The following FANCI variants were observed in gnomAD, a reference collection of about 807,000 sequenced individuals.
FANCI encodes Fanconi anemia group I protein.
Under a neutral mutation model 176.1 loss-of-function variants are expected in FANCI, and 156 were observed. The ratio of observed to expected loss-of-function variants is 0.89; its 90% confidence interval spans 0.78 to 1.01. The LOEUF (loss-of-function observed/expected upper bound fraction) is 1.01. FANCI is among the 50% of genes least tolerant of loss of function. The pLI is 0.00. For synonymous variants in FANCI, 613 were observed against 541.7 expected (o/e 1.13, Z -1.83); for missense variants, 1,678 against 1,534.1 (o/e 1.09, Z -1.57).
intron 11 of FANCI, among the ~76,000 whole-genome samples, 175 bp downstream of exon 11, chr15:89,273,644 G>A (rs984178681): frequency 6.6e-6 from 1 of 152,078 alleles, no homozygotes; most frequent in African/African-American, 2.4e-5. Flanking sequence ...TCTGGGGATT[G>A]ATGGAAAACT....
intron 37 of FANCI, 147 bp from the exon 38 acceptor site, chr15:89,316,250 T>C (rs1233587359): frequency 6.2e-6 from 5 of 808,434 alleles, no homozygotes; most frequent in Non-Finnish European, 1.0e-5. Flanking sequence ...TTCAACAACA[T>C]AATTACCTCC....
At chr15:89,264,658 C>T (rs779240165) in intron 9 of FANCI, 51 bp downstream of exon 9, 1 of 1,511,756 alleles carries the variant, frequency 6.6e-7, no homozygotes, top group East Asian at 2.3e-5. Context: ...TTCATCTTCT[C>T]ATTGTGTATT....
chr15:89,295,803 T>C (rs1432592547), intron 24 of FANCI, among the ~76,000 whole-genome samples: 1 of 147,152 alleles, frequency 6.8e-6, no homozygotes, highest in African/African-American at 2.5e-5. Flanking sequence ...TGAGAGAGTC[T>C]CGCTCTATTG....
chr15:89,264,397 T>G (rs922224999), intron 8 of FANCI, 125 bp from the exon 9 acceptor site: 19 of 798,796 alleles, frequency 2.4e-5, no homozygotes, highest in Non-Finnish European at 3.8e-5. Flanking sequence ...TTAGTTTGAG[T>G]CTAAGTCATA....
chr15:89,295,140 T>G (rs1157479726), intron 24 of FANCI, 46 bp downstream of exon 24: 1 of 1,535,458 alleles, frequency 6.5e-7, no homozygotes, highest in Admixed American at 2.1e-5. Context: ...TTGGCTGTGG[T>G]GTCTCCAAGA....
At chr15:89,305,064 C>G in intron 28 of FANCI, 51 bp from the exon 29 acceptor site, 1 of 1,607,754 alleles carries the variant, frequency 6.2e-7, no homozygotes, top group Non-Finnish European at 8.5e-7. Context: ...GCGTGAGCCA[C>G]TGCACTTGGC....
intron 18 of FANCI, among the ~76,000 whole-genome samples, chr15:89,288,954 A>G (rs1448261495): frequency 1.3e-5 from 2 of 150,972 alleles, no homozygotes; most frequent in Admixed American, 1.3e-4. Context: ...CTTTATTATT[A>G]TTTTATCTGT....
At chr15:89,257,660 A>G (rs1001207815) in intron 2 of FANCI, among the ~76,000 whole-genome samples, 1 of 152,206 alleles carries the variant, frequency 6.6e-6, no homozygotes, top group Non-Finnish European at 1.5e-5. Context: ...CTCACCTACA[A>G]GAAGAGCCCA....
intron 19 of FANCI, chr15:89,290,562 C>A: frequency 7.8e-6 from 3 of 386,814 alleles, no homozygotes; most frequent in South Asian, 3.3e-5. Context: ...AGGACCATTG[C>A]AACTGTATCC....
intron 18 of FANCI, among the ~76,000 whole-genome samples, chr15:89,289,890 C>T (rs2053994319): frequency 6.6e-6 from 1 of 151,998 alleles, no homozygotes; most frequent in African/African-American, 2.4e-5. Context: ...CAGGGTTTTG[C>T]TGTGTTGGCC....
At chr15:89,281,912 A>G (rs1250534592) in intron 16 of FANCI, 77 bp downstream of exon 16, 3 of 1,268,128 alleles carry the variant, frequency 2.4e-6, no homozygotes, top group East Asian at 4.6e-5. Context: ...GCCATCTCCT[A>G]GTACCACCTG....
Position 89,305,995 on chromosome 15 carries a change from A to G in FANCI, c.3350-12A>G. ...AGTTGGGTTTGAATGTGCCAATTTT[A>G]TTTCCCTTTAGAAGAGGCCTCTTCT... is the stretch of plus-strand genomic sequence containing the variant. On this transcript the variant is annotated splice_polypyrimidine_tract_variant and intron_variant, in intron 31 of 37. Transcript: ENST00000310775. 1.2e-6 allele frequency: 2 copies of G among 1,614,110 alleles called. No homozygotes were observed. Among genetic ancestry groups the G allele is most frequent in the South Asian group, 1.1e-5 (1 of 91,080 alleles).
In FANCI at chr15:89,290,272, G is replaced by T; in HGVS notation, c.1881G>T (p.Leu627=). ...SQLANSVMQT[L]LSQLKQFYEP... ...TGGCTAATTCAGTCATGCAAACTCT[G>T]CTCTCACAGGTAAAATACATTTTTA... The change falls in exon 19 of 38, where the codon CTG becomes CTT. Residue 627 remains leucine (L), a synonymous_variant. Transcript: ENST00000310775. 6.2e-7 allele frequency: 1 copy of T among 1,612,544 alleles called. No individual in the cohort carries two copies. Among genetic ancestry groups the T allele is most frequent in the Non-Finnish European group, 8.5e-7 (1 of 1,178,620 alleles).
rs568094959 is a variant in FANCI, at chr15:89,301,343, A to C, written c.2907A>C (p.Leu969Phe). 4.0e-5 allele frequency: 64 copies of C among 1,613,560 alleles called. No individual in the cohort carries two copies. The East Asian group carries it at 1.3e-3, about 34-fold the overall frequency. The change falls in exon 27 of 38, where the codon TTA (leucine) becomes TTC (phenylalanine). Residue 969 changes from leucine to phenylalanine, a missense_variant. By Grantham distance (22) the Leu-to-Phe change is conservative. Around this residue, in one of 3 missense-constraint regions of FANCI, gnomAD observed 1,204 missense variants for 1,077.4 expected, o/e 1.12. Coordinates refer to ENST00000310775, the MANE Select transcript of FANCI (RefSeq NM_001113378.2). ...TTTCTCAGAGGTCCTTGTTGAATTT[A>C]CTTAGCAGTCAAGAGGAAGATTTTA... ...IRQFQRSLLN[L>F]LSSQEEDFNS...
chr15:89,276,804 A>C lies in FANCI; in HGVS notation c.1206A>C (p.Lys402Asn). 3 of 1,614,170 alleles carry C rather than the reference A, an allele frequency of 1.9e-6. No individual in the cohort carries two copies. In the South Asian group the frequency reaches 3.3e-5, roughly 18 times the overall value. The change falls in exon 13 of 38, where the codon AAA becomes AAC. Residue 402 changes from lysine to asparagine, a missense_variant. By Grantham distance (94) the Lys-to-Asn change is moderately conservative (BLOSUM62 0). Transcript: ENST00000310775. Reference protein sequence around the residue: ...SYGPKKVLDGKTIETSPSLSR... With the variant: ...SYGPKKVLDGNTIETSPSLSR... ...GGCCAAAGAAGGTTCTTGATGGAAA[A>C]ACTATTGAAACCAGCCCAAGTCTTT... is the stretch of plus-strand genomic sequence containing the variant.
intron 36 of FANCI, among the ~76,000 whole-genome samples, chr15:89,314,995 G>A (rs2055163095): frequency 6.6e-6 from 1 of 152,002 alleles, no homozygotes; most frequent in African/African-American, 2.4e-5. Context: ...TTTTTGTAGA[G>A]ATGGGGTCTC....
chr15:89,305,441 CT>C lies in FANCI; in HGVS notation c.3255+35del, dbSNP rs767348501. The C allele has an allele frequency of 2.2e-5, 35 of 1,612,722 alleles. No homozygotes were observed. In the Admixed American group the frequency reaches 3.7e-4, roughly 17 times the overall value. On this transcript the variant is annotated intron_variant, in intron 30 of 37. Coordinates refer to ENST00000310775, the MANE Select transcript of FANCI (RefSeq NM_001113378.2). ...GTTGTACCTGAGCCATGGGGAATAG[CT>C]TTGTCATTCTTTCCATTCTACTCCA...
rs147448046 is a variant in FANCI, at chr15:89,298,251, A to G, written c.2637-1549A>G. Among the ~76,000 whole-genome samples, 8 of 152,288 alleles carry G rather than the reference A, an allele frequency of 5.3e-5. No homozygotes were observed. The East Asian group carries it at 1.3e-3, about 26-fold the overall frequency. On this transcript the variant is annotated intron_variant, in intron 24 of 37. Coordinates refer to ENST00000310775, the MANE Select transcript of FANCI (RefSeq NM_001113378.2). Reference sequence around the variant, plus strand: ...CATGGTGTATTCACCAAGATGAGCCATATTTTGGGCCATAAAACTCAGCAA... The same window carrying G: ...CATGGTGTATTCACCAAGATGAGCCGTATTTTGGGCCATAAAACTCAGCAA...
At chr15:89,299,034 C>T (rs1025410271) in intron 24 of FANCI, among the ~76,000 whole-genome samples, 7 of 151,876 alleles carry the variant, frequency 4.6e-5, no homozygotes, top group African/African-American at 1.5e-4. Flanking sequence ...ATTAGCTGGG[C>T]GTGGTGGTAT....
Sources: gnomAD v4.1 joint callset for allele counts (sites outside exome capture counted in the v4.1 genomes callset) on GRCh38, gnomAD v4.1.1 for gene constraint, gnomAD v4.1.1 regional missense constraint, MANE v1.5 for transcripts, NCBI Gene and HGNC (gene_info 2026-07-23, HGNC 2026-07-21) for gene names.